The following ZMAT4 variants were observed in gnomAD, a reference collection of about 807,000 sequenced individuals.
The protein encoded by ZMAT4 is zinc finger matrin-type protein 4.
ZMAT4 carries 17 observed loss-of-function variants against 28.7 expected under a neutral mutation model. The observed-to-expected ratio is 0.59, with a 90% CI of 0.41 to 0.89. The LOEUF (loss-of-function observed/expected upper bound fraction) is 0.89, where lower values mean the gene tolerates loss of function less well. Ranked by LOEUF, ZMAT4 falls within the 40% of genes least tolerant of loss-of-function variation. ZMAT4 has a pLI of 0.00. For synonymous variants in ZMAT4, 117 were observed against 109.2 expected, an observed-to-expected ratio of 1.07 and a Z score of -0.44; for missense variants, 240 against 283.8, an observed-to-expected ratio of 0.85 and a Z score of 1.11.
chr8:40,633,870 T>A (rs1340933133), intron 5 of ZMAT4, among the ~76,000 whole-genome samples: 1 of 152,220 alleles, frequency 6.6e-6, no homozygotes, highest in Admixed American at 6.5e-5. Flanking sequence ...AGGAGCACCA[T>A]GAAGCTCTGC....
chr8:40,896,364 A>G (rs1818879557), intron 1 of ZMAT4, among the ~76,000 whole-genome samples: 1 of 152,198 alleles, frequency 6.6e-6, no homozygotes, highest in Non-Finnish European at 1.5e-5. Flanking sequence ...AACGGAAATC[A>G]GAGGGATGAA....
intron 5 of ZMAT4, among the ~76,000 whole-genome samples, chr8:40,592,482 C>T (rs2118584955): frequency 6.6e-6 from 1 of 152,278 alleles, no homozygotes; most frequent in East Asian, 1.9e-4. Context: ...GTCGATTAAA[C>T]AAAGAACACA....
At chr8:40,565,514 T>A (rs529749522) in intron 6 of ZMAT4, among the ~76,000 whole-genome samples, 1 of 151,150 alleles carries the variant, frequency 6.6e-6, no homozygotes, top group South Asian at 2.1e-4. Flanking sequence ...GTAACTGGGG[T>A]TACAGACATC....
intron 1 of ZMAT4, among the ~76,000 whole-genome samples, chr8:40,894,883 C>G (rs372949924): frequency 2.0e-5 from 3 of 151,998 alleles, no homozygotes; most frequent in Admixed American, 2.0e-4. Context: ...AAGCAGAAGG[C>G]AAAAAGGCTC....
intron 3 of ZMAT4, among the ~76,000 whole-genome samples, chr8:40,718,168 C>T (rs916933261): frequency 6.6e-6 from 1 of 152,248 alleles, no homozygotes; most frequent in African/African-American, 2.4e-5. Context: ...TTATAAATAG[C>T]TGTTAATTAA....
intron 2 of ZMAT4, among the ~76,000 whole-genome samples, chr8:40,792,841 A>G (rs1309775774): frequency 6.6e-6 from 1 of 151,508 alleles, no homozygotes; most frequent in Non-Finnish European, 1.5e-5. Context: ...TAAGTACTAG[A>G]AGTCAATCTG....
At chr8:40,668,505 A>G (rs1285751291) in intron 5 of ZMAT4, among the ~76,000 whole-genome samples, 4 of 151,798 alleles carry the variant, frequency 2.6e-5, no homozygotes, top group African/African-American at 7.2e-5. Flanking sequence ...AAAAGAAAAA[A>G]AAAGAAAATA....
At chr8:40,806,030 A>G (rs931134925) in intron 2 of ZMAT4, among the ~76,000 whole-genome samples, 87 of 152,214 alleles carry the variant, frequency 5.7e-4, no homozygotes, top group Non-Finnish European at 6.8e-4. Flanking sequence ...CTTATTCTAG[A>G]AAAAATATAT....
intron 2 of ZMAT4, among the ~76,000 whole-genome samples, chr8:40,812,945 T>A (rs62636690): frequency 0.067 from 1,841 of 27,464 alleles, 64 homozygotes; most frequent in African/African-American, 0.091. Flanking sequence ...AAAATTAAAT[T>A]AAATTAAATT....
chr8:40,754,120 C>T (rs1217705945), intron 3 of ZMAT4, among the ~76,000 whole-genome samples: 6 of 150,984 alleles, frequency 4.0e-5, no homozygotes, highest in Admixed American at 1.3e-4. Context: ...TGCAGTGCGC[C>T]GAGATCACGC....
intron 5 of ZMAT4, among the ~76,000 whole-genome samples, chr8:40,631,221 G>A (rs1806567829): frequency 6.6e-6 from 1 of 152,104 alleles, no homozygotes; most frequent in African/African-American, 2.4e-5. Flanking sequence ...CGCCCAGGCT[G>A]GAGTGCTGAG....
chr8:40,894,776 G>GA (rs76999806), intron 1 of ZMAT4, among the ~76,000 whole-genome samples: 19,596 of 146,752 alleles, frequency 0.13, 1,450 homozygotes, highest in South Asian at 0.21. Context: ...CACATCCACA[G>GA]AAAAAAAAAA....
intron 5 of ZMAT4, among the ~76,000 whole-genome samples, chr8:40,640,112 G>A (rs941783752): frequency 1.3e-5 from 2 of 152,076 alleles, no homozygotes; most frequent in African/African-American, 4.8e-5. Flanking sequence ...GGATAGCTTG[G>A]ACTACAGGTG....
chr8:40,580,989 C>A (rs1267756749), intron 6 of ZMAT4, among the ~76,000 whole-genome samples, 176 bp downstream of exon 6: 1 of 152,008 alleles, frequency 6.6e-6, no homozygotes, highest in Non-Finnish European at 1.5e-5. Flanking sequence ...TTACTCATGC[C>A]AAATAAAGGG....
chr8:40,583,259 C>T (rs1804553305), intron 5 of ZMAT4, among the ~76,000 whole-genome samples: 1 of 152,106 alleles, frequency 6.6e-6, no homozygotes, highest in Non-Finnish European at 1.5e-5. Flanking sequence ...TTGTTATCTT[C>T]CCTGGTGGCA....
At chr8:40,882,953 C>A (rs1049616516) in intron 1 of ZMAT4, among the ~76,000 whole-genome samples, 1 of 152,138 alleles carries the variant, frequency 6.6e-6, no homozygotes, top group Non-Finnish European at 1.5e-5. Flanking sequence ...CTCCTTATTG[C>A]CGTTATCACT....
At chr8:40,723,051 G>A (rs1478001881) in intron 3 of ZMAT4, among the ~76,000 whole-genome samples, 1 of 152,174 alleles carries the variant, frequency 6.6e-6, no homozygotes, top group Non-Finnish European at 1.5e-5. Flanking sequence ...ATGTGAAAAT[G>A]TCTTCTCAAT....
chr8:40,602,280 G>A (rs939462233), intron 5 of ZMAT4, among the ~76,000 whole-genome samples: 1 of 152,170 alleles, frequency 6.6e-6, no homozygotes, highest in African/African-American at 2.4e-5. Flanking sequence ...AGGCACTTGG[G>A]CTGGTTCCGT....
chr8:40,598,533 G>A (rs2118603756), intron 5 of ZMAT4, among the ~76,000 whole-genome samples: 1 of 152,244 alleles, frequency 6.6e-6, no homozygotes, highest in South Asian at 2.1e-4. Context: ...CCCTGCAAAG[G>A]ACATGATCTC....
Sources: gnomAD v4.1 joint callset for allele counts (sites outside exome capture counted in the v4.1 genomes callset) on GRCh38, gnomAD v4.1.1 for gene constraint, MANE v1.5 for transcripts, NCBI Gene and HGNC (gene_info 2026-07-23, HGNC 2026-07-21) for gene names.